Variants in MDFIC observed in about 807,000 individuals in gnomAD.
MDFIC encodes myoD family inhibitor domain-containing protein.
Under a neutral mutation model 23.2 loss-of-function variants are expected in MDFIC, and 17 were observed. The observed-to-expected ratio is 0.73, with a 90% CI of 0.50 to 1.10. The LOEUF (loss-of-function observed/expected upper bound fraction) is 1.10, where lower values mean the gene tolerates loss of function less well. MDFIC is among the 50% of genes least tolerant of loss of function. MDFIC has a pLI of 0.00. For synonymous variants in MDFIC, 120 were observed against 115.2 expected (o/e 1.04, Z -0.27); for missense variants, 356 against 316.6 (o/e 1.12, Z -0.95).
At chr7:115,007,185 G>A (rs1791586259) in intron 4 of MDFIC, among the ~76,000 whole-genome samples, 1 of 152,098 alleles carries the variant, frequency 6.6e-6, no homozygotes, top group African/African-American at 2.4e-5. Context: ...ATGTCCGTGT[G>A]GTAATCAGAG....
At chr7:114,979,041 T>C (rs933727230) in intron 3 of MDFIC, among the ~76,000 whole-genome samples, 14 of 152,270 alleles carry the variant, frequency 9.2e-5, no homozygotes, top group African/African-American at 3.1e-4. Flanking sequence ...TTCTTTGTAT[T>C]GTCTGGCTTT....
chr7:115,015,661 A>G (rs1284549110), intron 4 of MDFIC, 27 bp from the exon 5 acceptor site: 8 of 1,608,848 alleles, frequency 5.0e-6, no homozygotes, highest in Non-Finnish European at 6.8e-6. Context: ...TTCTCACTAT[A>G]TGGTCTCCTC....
chr7:114,950,219 A>G (rs1378283879), intron 3 of MDFIC, among the ~76,000 whole-genome samples: 2 of 152,176 alleles, frequency 1.3e-5, no homozygotes, highest in African/African-American at 2.4e-5. Flanking sequence ...CCTCTGAGAA[A>G]GGAAGGTGTC....
At chr7:115,009,629 C>G (rs572834676) in intron 4 of MDFIC, among the ~76,000 whole-genome samples, 10 of 152,314 alleles carry the variant, frequency 6.6e-5, no homozygotes, top group African/African-American at 2.4e-4. Flanking sequence ...TTTCACCAGA[C>G]TTCTAAGATG....
chr7:114,980,495 G>T (rs1040041667), intron 4 of MDFIC, among the ~76,000 whole-genome samples: 10 of 152,138 alleles, frequency 6.6e-5, no homozygotes, highest in Non-Finnish European at 1.3e-4. Context: ...ACCTGAGAAA[G>T]TTCTTTATTA....
chr7:114,967,571 T>C (rs1793123700), intron 3 of MDFIC, among the ~76,000 whole-genome samples: 1 of 152,194 alleles, frequency 6.6e-6, no homozygotes, highest in Non-Finnish European at 1.5e-5. Flanking sequence ...TTCTGTTATA[T>C]GAGATGATAA....
intron 3 of MDFIC, among the ~76,000 whole-genome samples, chr7:114,949,916 C>T (rs1049082050): frequency 4.6e-5 from 7 of 152,086 alleles, no homozygotes; most frequent in Non-Finnish European, 1.0e-4. Flanking sequence ...GCCCAAAGCA[C>T]AGCACACCTA....
In MDFIC at chr7:115,016,020, A is replaced by C; in HGVS notation, c.*85A>C. ...AAGAAAAGCACATTGTAAGATTCTCATGAAACAACATGGAATTTGCACTGT... is the reference window on the plus strand; with the variant it reads ...AAGAAAAGCACATTGTAAGATTCTCCTGAAACAACATGGAATTTGCACTGT... On this transcript the variant is annotated 3_prime_UTR_variant, in exon 5 of 5. Transcript: ENST00000393486. 2 of 1,352,722 alleles carry C rather than the reference A, an allele frequency of 1.5e-6. No homozygotes were observed. Among genetic ancestry groups the C allele is most frequent in the Non-Finnish European group, 2.0e-6 (2 of 990,018 alleles). The allele number at this position is 1,352,722 out of a possible 1,614,324, so 83.8% of individuals were successfully genotyped here.
intron 4 of MDFIC, among the ~76,000 whole-genome samples, chr7:114,988,920 C>G (rs1052939501): frequency 6.6e-6 from 1 of 152,104 alleles, no homozygotes; most frequent in African/African-American, 2.4e-5. Flanking sequence ...TGGCTGAGAA[C>G]TGAGTGACTC....
At chr7:114,944,903 A>T (rs2115776555) in intron 3 of MDFIC, among the ~76,000 whole-genome samples, 1 of 152,296 alleles carries the variant, frequency 6.6e-6, no homozygotes, top group Non-Finnish European at 1.5e-5. Context: ...GAAGAAGCGG[A>T]CAGCTGGCTC....
chr7:114,960,322 T>C (rs1026449938), intron 3 of MDFIC, among the ~76,000 whole-genome samples: 2 of 152,086 alleles, frequency 1.3e-5, no homozygotes, highest in Admixed American at 6.6e-5. Context: ...ATGGAAAGCA[T>C]AGAACCTCTT....
intron 3 of MDFIC, among the ~76,000 whole-genome samples, chr7:114,956,261 A>G (rs1047938138): frequency 2.6e-5 from 4 of 152,126 alleles, no homozygotes; most frequent in African/African-American, 4.8e-5. Context: ...GAAAAATTGC[A>G]GTATACTATA....
chr7:115,014,231 G>T, intron 4 of MDFIC: 1 of 985,404 alleles, frequency 1.0e-6, no homozygotes, highest in Non-Finnish European at 1.2e-6. Flanking sequence ...GGGAGTTTAG[G>T]ATGGGATGCT....
intron 2 of MDFIC, among the ~76,000 whole-genome samples, chr7:114,935,234 T>G (rs1446511606): frequency 1.3e-5 from 2 of 152,002 alleles, no homozygotes; most frequent in East Asian, 3.9e-4. Flanking sequence ...ATAAGGGAGG[T>G]ATGAATACAA....
At chr7:114,934,092 C>T (rs1792381082) in intron 2 of MDFIC, 1 of 152,132 alleles carries the variant, frequency 6.6e-6, no homozygotes, top group African/African-American at 2.4e-5. Flanking sequence ...ACATCTAACT[C>T]CAGATTTCAT....
chr7:114,979,469 T>C (rs1316857524), intron 3 of MDFIC, 37 bp from the exon 4 acceptor site: 2 of 1,558,468 alleles, frequency 1.3e-6, no homozygotes, highest in Non-Finnish European at 1.7e-6. Flanking sequence ...AATTTCTTTT[T>C]CTTTAACTGG....
intron 3 of MDFIC, among the ~76,000 whole-genome samples, chr7:114,964,841 G>A (rs1793067109): frequency 6.6e-6 from 1 of 152,162 alleles, no homozygotes; most frequent in South Asian, 2.1e-4. Flanking sequence ...TAGCCACCAT[G>A]CCGGGCCCCT....
intron 3 of MDFIC, 105 bp from the exon 4 acceptor site, chr7:114,979,401 T>A: frequency 8.4e-7 from 1 of 1,190,054 alleles, no homozygotes; most frequent in Non-Finnish European, 1.1e-6. Context: ...AGTGTTAGTA[T>A]TATGGGTAAA....
rs536633578 is a variant in MDFIC, at chr7:115,004,139, C to T, written c.494-11549C>T. 1.8e-4 allele frequency among the ~76,000 whole-genome samples: 27 copies of T among 152,218 alleles called. No homozygotes were observed. In the South Asian group the frequency reaches 5.0e-3, roughly 28 times the overall value. On this transcript the variant is annotated intron_variant, in intron 4 of 4. Coordinates refer to ENST00000393486, the MANE Select transcript of MDFIC (RefSeq NM_001166345.3). ...ATAGATCTAAATTTGAATCCCAGAC[C>T]TCCCCTTAGTAGCTTTGCACCTCAA... is the stretch of plus-strand genomic sequence containing the variant.
Sources: allele counts gnomAD v4.1 joint callset (sites outside exome capture counted in the v4.1 genomes callset), GRCh38; gene constraint gnomAD v4.1.1; transcripts MANE v1.5; gene names NCBI Gene and HGNC (gene_info 2026-07-23, HGNC 2026-07-21).